ZC3H12B: variants seen among roughly 807,000 people sequenced by gnomAD.
The protein encoded by ZC3H12B is zinc finger CCCH-type containing 12B.
Under a neutral mutation model 43.9 loss-of-function variants are expected in ZC3H12B, and 7 were observed. The observed-to-expected ratio is 0.16, with a 90% CI of 0.09 to 0.30. The LOEUF (loss-of-function observed/expected upper bound fraction) is 0.30. ZC3H12B is among the 10% of genes least tolerant of loss of function. The pLI is 1.00. For synonymous variants in ZC3H12B, 222 were observed against 241.7 expected, an observed-to-expected ratio of 0.92 and a Z score of 0.76; for missense variants, 475 against 670.2, an observed-to-expected ratio of 0.71 and a Z score of 3.22.
At chrX:65,044,270 G>T in the ZC3H12B span, among the ~76,000 whole-genome samples, 5 of 111,499 alleles carry the variant, frequency 4.5e-5, no homozygotes, top group Non-Finnish European at 9.4e-5. Context: ...CAGGCAGAAA[G>T]AATAGAATAT....
the ZC3H12B span, among the ~76,000 whole-genome samples, chrX:65,178,358 G>C: frequency 8.9e-6 from 1 of 111,906 alleles, no homozygotes; most frequent in East Asian, 2.8e-4. Context: ...TATGGGCAAA[G>C]ACTTCATGAC....
chrX:65,196,391 A>G, the ZC3H12B span, among the ~76,000 whole-genome samples: 1 of 111,260 alleles, frequency 9.0e-6, no homozygotes, highest in Non-Finnish European at 1.9e-5. Context: ...TGCCCACTCG[A>G]GGTTACCAAA....
chrX:65,044,565 C>G, the ZC3H12B span, among the ~76,000 whole-genome samples: 4 of 111,261 alleles, frequency 3.6e-5, no homozygotes, highest in Admixed American at 3.8e-4. Flanking sequence ...AATATTCTGG[C>G]TTCCACATGG....
At position 65,438,334 on chromosome X, in the gene ZC3H12B, A is replaced by G. The variant is rs183273097; in HGVS notation, n.407+39630A>G. ...GATGTAGTATGGACATTTTCACAAT[A>G]TTCTTCCAATCCATGATATGGAATA... On this transcript the variant is annotated intron_variant and non_coding_transcript_variant, in intron 3 of 5. Transcript: ENST00000617377. Among the ~76,000 whole-genome samples, 7 of 112,255 alleles carry G rather than the reference A, an allele frequency of 6.2e-5. No individual in the cohort carries two copies. In the East Asian group the frequency reaches 2.0e-3, roughly 31 times the overall value.
At chrX:65,152,587 A>G in the ZC3H12B span, among the ~76,000 whole-genome samples, 1 of 111,451 alleles carries the variant, frequency 9.0e-6, no homozygotes, top group East Asian at 2.8e-4. Flanking sequence ...ATAAAAGAGG[A>G]TACAAACAAA....
chrX:65,125,892 A>G, the ZC3H12B span, among the ~76,000 whole-genome samples: 42 of 111,277 alleles, frequency 3.8e-4, no homozygotes, highest in East Asian at 5.1e-3. Context: ...TGAAAGTAGC[A>G]TAAACTTGGT....
At chrX:65,300,190 C>T in the ZC3H12B span, among the ~76,000 whole-genome samples, 1 of 112,297 alleles carries the variant, frequency 8.9e-6, no homozygotes, top group Non-Finnish European at 1.9e-5. Context: ...CATGCAGATA[C>T]CAGCACAGAA....
chrX:65,111,426 TCATGTA>T, the ZC3H12B span, among the ~76,000 whole-genome samples: 1 of 111,688 alleles, frequency 9.0e-6, no homozygotes, highest in South Asian at 3.7e-4. Flanking sequence ...AGAGTCTTTA[TCATGTA>T]CATGTGTTGA....
the ZC3H12B span, among the ~76,000 whole-genome samples, chrX:65,195,689 G>T: frequency 8.9e-6 from 1 of 112,383 alleles, no homozygotes; most frequent in Non-Finnish European, 1.9e-5. Context: ...GCTGAAAGCA[G>T]CCAGGGTCTG....
intron 3 of ZC3H12B, among the ~76,000 whole-genome samples, chrX:65,423,221 G>A (rs5964437): frequency 0.14 from 15,928 of 111,096 alleles, 2,741 homozygotes; most frequent in African/African-American, 0.49. Context: ...ATGAGCCACC[G>A]TGCCTGGCCA....
chrX:65,144,012 G>T, the ZC3H12B span, among the ~76,000 whole-genome samples: 2 of 111,544 alleles, frequency 1.8e-5, no homozygotes, highest in African/African-American at 3.3e-5. Flanking sequence ...GGTGATACAG[G>T]CTTAATGGAA....
the ZC3H12B span, among the ~76,000 whole-genome samples, chrX:65,166,153 A>T: frequency 9.0e-6 from 1 of 110,722 alleles, no homozygotes; most frequent in Admixed American, 9.7e-5. Flanking sequence ...CCATTAACTC[A>T]TCATTTACAT....
chrX:65,305,457 A>G, the ZC3H12B span, among the ~76,000 whole-genome samples: 1 of 112,369 alleles, frequency 8.9e-6, no homozygotes, highest in African/African-American at 3.2e-5. Context: ...ATAGCGATCT[A>G]TCAGTCTAAA....
Position 65,489,425 on chromosome X carries a change from T to C in ZC3H12B, c.608+16T>C. On this transcript the variant is annotated intron_variant, in intron 1 of 4. Transcript: ENST00000338957. ...TGGCAATGAGGTAAGCCTGGTATGT[T>C]TTTTTCTCCCATTTTAAAAAACTGC... 8.6e-7 allele frequency: 1 copy of C among 1,161,082 alleles called. No individual in the cohort carries two copies. The highest frequency in any genetic ancestry group is 1.1e-6 in the Non-Finnish European group (1 of 873,426).
chrX:65,085,709 T>C, the ZC3H12B span, among the ~76,000 whole-genome samples: 1 of 110,064 alleles, frequency 9.1e-6, no homozygotes, highest in East Asian at 2.8e-4. Context: ...GTGTTCAAAG[T>C]TACAGTGAGC....
At chrX:65,124,469 G>A in the ZC3H12B span, among the ~76,000 whole-genome samples, 2 of 110,266 alleles carry the variant, frequency 1.8e-5, no homozygotes, top group Admixed American at 1.9e-4. Context: ...GTTATTTCCT[G>A]ATTTTGGCAT....
the ZC3H12B span, among the ~76,000 whole-genome samples, chrX:65,135,346 G>A: frequency 9.2e-6 from 1 of 108,622 alleles, no homozygotes; most frequent in African/African-American, 3.4e-5. Context: ...TTTGTTACTA[G>A]GTTGTTGTTT....
chrX:65,110,109 C>A, the ZC3H12B span, among the ~76,000 whole-genome samples: 1 of 110,801 alleles, frequency 9.0e-6, no homozygotes, highest in South Asian at 3.8e-4. Flanking sequence ...ATCCTCTTTG[C>A]TAAAATGTAT....
intron 2 of ZC3H12B, among the ~76,000 whole-genome samples, chrX:65,387,984 C>T (rs1439075955): frequency 8.9e-6 from 1 of 112,178 alleles, no homozygotes; most frequent in East Asian, 2.8e-4. Flanking sequence ...TCTCTTCTGG[C>T]TTGTAGAGTT....
Sources: gnomAD v4.1 joint callset for allele counts (sites outside exome capture counted in the v4.1 genomes callset) on GRCh38, gnomAD v4.1.1 for gene constraint, MANE v1.5 for transcripts, NCBI Gene and HGNC (gene_info 2026-07-23, HGNC 2026-07-21) for gene names.